The following DEAF1 variants were observed in gnomAD, a reference collection of about 807,000 sequenced individuals.
DEAF1 encodes the protein deformed epidermal autoregulatory factor 1 homolog.
Under a neutral mutation model 58.9 loss-of-function variants are expected in DEAF1, and 53 were observed. The observed-to-expected ratio is 0.90, with a 90% CI of 0.72 to 1.13. DEAF1 has a LOEUF of 1.13. Ranked by LOEUF, DEAF1 falls within the 50% of genes most tolerant of loss-of-function variation. DEAF1 has a pLI of 0.00. For synonymous variants in DEAF1, 385 were observed against 340.4 expected, an observed-to-expected ratio of 1.13 and a Z score of -1.44; for missense variants, 685 against 791.4, an observed-to-expected ratio of 0.87 and a Z score of 1.61.
At chr11:684,858 CCCA>C (rs1296530439) in intron 6 of DEAF1, 37 bp downstream of exon 6, 2 of 1,543,882 alleles carry the variant, frequency 1.3e-6, no homozygotes, top group African/African-American at 2.7e-5. Context: ...CGCCCCCAGC[CCCA>C]CCAAGTCATC....
In DEAF1 at chr11:694,958, C is replaced by A; in HGVS notation, c.90G>T (p.Ala30=). 8.6e-7 allele frequency: 1 copy of A among 1,168,944 alleles called. No individual in the cohort carries two copies. The highest frequency in any genetic ancestry group is 1.1e-6 in the Non-Finnish European group (1 of 948,872). The allele number at this position is 1,168,944 out of a possible 1,614,324, so 72.4% of individuals were successfully genotyped here. ...AAAAAVAAAA[A]AAAGGEAEEP... ...CCTCCGCCTCGCCTCCTGCCGCGGC[C>A]GCGGCCGCCGCCGCCACAGCGGCCG... is the stretch of plus-strand genomic sequence containing the variant. Residue 30 remains alanine, a synonymous_variant, in exon 1 of 12, where the codon GCG becomes GCT. Coordinates refer to ENST00000382409, the MANE Select transcript of DEAF1 (RefSeq NM_021008.4).
At chr11:679,477 G>A (rs563553184) in intron 8 of DEAF1, among the ~76,000 whole-genome samples, 1 of 152,336 alleles carries the variant, frequency 6.6e-6, no homozygotes, top group Non-Finnish European at 1.5e-5. Flanking sequence ...TCTGGCATCT[G>A]TCACAAGTAA....
In DEAF1 at chr11:644,945, C is replaced by T. The variant is rs1205011636; in HGVS notation, c.1594-291G>A. ...TGGGAGGCCCAGGAGGGTGGATCCCCTGAGGTCAGGAGTTCGAGACCAGCC... is the reference window on the plus strand; with the variant it reads ...TGGGAGGCCCAGGAGGGTGGATCCCTTGAGGTCAGGAGTTCGAGACCAGCC... On this transcript the variant is annotated intron_variant, in intron 11 of 11. Transcript: ENST00000382409. The surrounding 1 kb of genome is among the most constrained non-coding windows in gnomAD (Gnocchi z 4.3). Among the ~76,000 whole-genome samples the T allele has an allele frequency of 1.3e-5, 2 of 152,084 alleles. No homozygotes were observed. Among genetic ancestry groups the T allele is most frequent in the Non-Finnish European group, 2.9e-5 (2 of 68,002 alleles).
rs765300373 is a variant in DEAF1, at chr11:703,105, G to A, written c.-438+3467C>T. 7 of 1,610,880 alleles carry A rather than the reference G, an allele frequency of 4.3e-6. No individual in the cohort carries two copies. The East Asian group carries it at 1.3e-4, about 31-fold the overall frequency. On this transcript the variant is annotated intron_variant, in intron 1 of 11. Coordinates refer to the DEAF1 transcript ENST00000683307. ...CCACGCTCCTGGCCCTTCACGGCCTGGAGGCCGTCCTGCAGGTGGTTGCCA... is the reference window on the plus strand; with the variant it reads ...CCACGCTCCTGGCCCTTCACGGCCTAGAGGCCGTCCTGCAGGTGGTTGCCA...
At chr11:695,808 C>A (rs1590029945), upstream of DEAF1, 4 of 1,232,810 alleles carry the variant, frequency 3.2e-6, no homozygotes, top group East Asian at 6.3e-5. Context: ...CGCGACGGAC[C>A]GGCGGGCGGG....
chr11:703,456 C>T, intron 1 of DEAF1: 1 of 1,272,020 alleles, frequency 7.9e-7, no homozygotes. Context: ...GCAGCCAGGC[C>T]TCCACAGACC....
intron 4 of DEAF1, 54 bp downstream of exon 4, chr11:687,857 T>C: frequency 6.2e-7 from 1 of 1,609,580 alleles, no homozygotes; most frequent in Non-Finnish European, 8.5e-7. Flanking sequence ...CAATTTATGC[T>C]AGGGGGGTTA....
At chr11:683,204 A>G (rs1473973367) in intron 6 of DEAF1, among the ~76,000 whole-genome samples, 1 of 152,200 alleles carries the variant, frequency 6.6e-6, no homozygotes, top group Non-Finnish European at 1.5e-5. Flanking sequence ...AGCGGAAGCC[A>G]AAAGTTCTAA....
At chr11:702,880 C>T (rs939398802) in intron 1 of DEAF1, 3 of 1,482,870 alleles carry the variant, frequency 2.0e-6, no homozygotes, top group Admixed American at 3.8e-5. Flanking sequence ...CTCCAGGCAC[C>T]TGTGGGCGGT....
intron 10 of DEAF1, among the ~76,000 whole-genome samples, chr11:657,861 T>C (rs1859133417): frequency 1.3e-5 from 2 of 152,122 alleles, no homozygotes; most frequent in African/African-American, 4.8e-5. Context: ...GTCACAGGCC[T>C]GAGGGTGCTG....
chr11:661,539 G>A (rs1286384012), intron 10 of DEAF1, among the ~76,000 whole-genome samples: 4 of 151,556 alleles, frequency 2.6e-5, no homozygotes, highest in South Asian at 2.1e-4. Context: ...GTGAAATACC[G>A]CGTCTACTAA....
chr11:693,456 AGCACCCAGAGCACAC>A (rs1369019135), intron 1 of DEAF1: 1 of 152,298 alleles, frequency 6.6e-6, no homozygotes, highest in Non-Finnish European at 1.5e-5. Context: ...AGGCCGAACA[AGCACCCAGAGCACAC>A]GCAATGCCCT....
intron 11 of DEAF1, among the ~76,000 whole-genome samples, chr11:645,275 A>G (rs1177725497): frequency 6.6e-6 from 1 of 152,192 alleles, no homozygotes; most frequent in Non-Finnish European, 1.5e-5. Context: ...ACATTTAAAT[A>G]TGTAAATATT....
chr11:644,591 C>T lies in DEAF1; in HGVS notation c.1657G>A (p.Val553Ile), dbSNP rs1288087432. ...SAAVTVQADEVHVAESVMEKV... is the reference protein window; with the variant it reads ...SAAVTVQADEIHVAESVMEKV... ...TCCATCACGCTTTCAGCCACGTGGACTTCGTCTGCCTGGACGGTGACAGCT... is the reference window on the plus strand; with the variant it reads ...TCCATCACGCTTTCAGCCACGTGGATTTCGTCTGCCTGGACGGTGACAGCT... Residue 553 changes from valine to isoleucine, a missense_variant, in exon 12 of 12, where the codon GTC becomes ATC. Val to Ile is a conservative substitution (Grantham distance 29). This residue lies in a region of DEAF1 where 343 missense variants were observed against 379.8 expected (regional missense o/e 0.90). Coordinates refer to ENST00000382409, the MANE Select transcript of DEAF1 (RefSeq NM_021008.4). The surrounding 1 kb of genome is among the most constrained non-coding windows in gnomAD (Gnocchi z 4.3). 1.2e-6 allele frequency: 2 copies of T among 1,613,236 alleles called. No homozygotes were observed. The highest frequency in any genetic ancestry group is 2.2e-5 in the South Asian group (2 of 91,050).
chr11:669,525 A>G (rs1360095004), intron 10 of DEAF1, among the ~76,000 whole-genome samples: 1 of 151,824 alleles, frequency 6.6e-6, no homozygotes, highest in Non-Finnish European at 1.5e-5. Flanking sequence ...AATCTCAGCT[A>G]CTTGAGAGGC....
chr11:675,049 TG>T (rs1308846989), intron 9 of DEAF1, among the ~76,000 whole-genome samples: 1 of 151,942 alleles, frequency 6.6e-6, no homozygotes, highest in Non-Finnish European at 1.5e-5. Context: ...CTGGACGTGG[TG>T]GTAGACGCCT....
chr11:696,401 T>A (rs981272837), upstream of DEAF1, among the ~76,000 whole-genome samples: 1 of 152,272 alleles, frequency 6.6e-6, no homozygotes, highest in East Asian at 1.9e-4. Context: ...AGGTGCATTG[T>A]TTTGAAGGAA....
At chr11:681,186 AGT>A (rs1860348006) in intron 6 of DEAF1, 97 bp from the exon 7 acceptor site, 1 of 1,544,292 alleles carries the variant, frequency 6.5e-7, no homozygotes, top group Non-Finnish European at 8.9e-7. Context: ...GGGGTGTGTG[AGT>A]CACATGGTGA....
intron 10 of DEAF1, among the ~76,000 whole-genome samples, chr11:671,050 T>G (rs1859802108): frequency 6.7e-6 from 1 of 149,898 alleles, no homozygotes; most frequent in African/African-American, 2.5e-5. Flanking sequence ...TGCCTCAGCC[T>G]CCCAAGGAGC....
Sources: gnomAD v4.1 joint callset for allele counts (sites outside exome capture counted in the v4.1 genomes callset) on GRCh38, gnomAD v4.1.1 for gene constraint, gnomAD v4.1.1 regional missense constraint, Gnocchi (gnomAD v3.1) non-coding constraint, MANE v1.5 for transcripts, NCBI Gene and HGNC (gene_info 2026-07-23, HGNC 2026-07-21) for gene names.